KSR2: variants seen among roughly 807,000 people sequenced by gnomAD.
KSR2 encodes kinase suppressor of ras 2.
A neutral mutation model predicts 107.8 loss-of-function variants in KSR2; 25 were observed. The ratio of observed to expected loss-of-function variants is 0.23; its 90% CI spans 0.17 to 0.32. The LOEUF (loss-of-function observed/expected upper bound fraction) is 0.32. Among genes scored for constraint, KSR2 ranks in the 10% least tolerant of loss-of-function variants. The pLI is 1.00. For missense variants in KSR2, 887 were observed against 1,268.9 expected (o/e 0.70, Z 4.57); for synonymous variants, 480 against 507.0 (o/e 0.95, Z 0.71).
At chr12:117,652,657 A>G (rs1479851077) in intron 5 of KSR2, among the ~76,000 whole-genome samples, 1 of 152,208 alleles carries the variant, frequency 6.6e-6, no homozygotes, top group Non-Finnish European at 1.5e-5. Flanking sequence ...GGACACCTCC[A>G]GCCTTTTAAC....
At chr12:117,717,134 G>A (rs141876247) in intron 4 of KSR2, among the ~76,000 whole-genome samples, 12 of 152,326 alleles carry the variant, frequency 7.9e-5, no homozygotes, top group African/African-American at 2.4e-4. Context: ...CCACCTTGGG[G>A]ATAATCTTTC....
Position 117,454,888 on chromosome 12 carries a change from A to G in KSR2, c.*12311T>C, listed in dbSNP as rs1870521163. The G allele has an allele frequency of 6.6e-6, 1 of 152,074 alleles. No homozygotes were observed. Among genetic ancestry groups the G allele is most frequent in the Non-Finnish European group, 1.5e-5 (1 of 68,040 alleles). The allele number at this position is 152,074 out of a possible 1,614,324, so 9.4% of individuals were successfully genotyped here. On this transcript the variant is annotated 3_prime_UTR_variant, in exon 20 of 20. Transcript: ENST00000339824. ...AAAGAGGAACAGGAATGAAAAATGC[A>G]TTAGAGAGAAGGGCTCATGGCCAAC...
intron 14 of KSR2, among the ~76,000 whole-genome samples, chr12:117,502,246 T>C (rs1181400665): frequency 6.6e-6 from 1 of 152,126 alleles, no homozygotes; most frequent in African/African-American, 2.4e-5. Context: ...TGTACATATG[T>C]ATGTGGACTC....
chr12:117,871,705 T>A (rs938660583), intron 1 of KSR2, among the ~76,000 whole-genome samples: 1 of 87,964 alleles, frequency 1.1e-5, no homozygotes, highest in Non-Finnish European at 2.3e-5. Context: ...TAGATATATA[T>A]ATTTGCACAC....
rs755743255 is a variant in KSR2 at position 117,860,345 on chromosome 12, G to A, written c.267C>T (p.Phe89=). The A allele has an allele frequency of 1.2e-6, 2 of 1,613,834 alleles. No homozygotes were observed. The highest frequency in any genetic ancestry group is 1.7e-6 in the Non-Finnish European group (2 of 1,179,816). ...LQERNAELDG[F]PQLRHWFRIV... ...TTCGGAACCAGTGCCGTAGCTGGGG[G>A]AAGCCGTCCAGCTCCGCGTTGCGCT... Residue 89 remains phenylalanine (F), a synonymous_variant, in exon 2 of 20, where the codon TTC becomes TTT. Transcript: ENST00000339824.
chr12:117,826,292 C>T (rs1891747708), intron 3 of KSR2, among the ~76,000 whole-genome samples: 1 of 152,066 alleles, frequency 6.6e-6, no homozygotes, highest in African/African-American at 2.4e-5. Flanking sequence ...TACACCCTCC[C>T]AGGTGCTAAA....
At chr12:117,782,446 G>A (rs1191556935) in intron 3 of KSR2, among the ~76,000 whole-genome samples, 2 of 151,972 alleles carry the variant, frequency 1.3e-5, no homozygotes, top group Non-Finnish European at 2.9e-5. Context: ...TTTATTTTTT[G>A]TAGACACAGG....
rs1877591171 is a variant in KSR2 at position 117,555,244 on chromosome 12, G to A, written c.1443C>T (p.Asn481=). The change falls in exon 9 of 20, where the codon AAC becomes AAT. Residue 481 remains asparagine (N), a synonymous_variant. Coordinates refer to ENST00000339824, the MANE Select transcript of KSR2 (RefSeq NM_173598.6). ...RTESVPCDIN[N]PLRKPPRYSD... is the part of the protein sequence containing the mutation. Reference sequence around the variant, plus strand: ...AATAGCGAGGTGGCTTCCGTAGAGGGTTGTTGATGTCACACGGAACGGACT... The same window carrying A: ...AATAGCGAGGTGGCTTCCGTAGAGGATTGTTGATGTCACACGGAACGGACT... 2 of 1,613,848 alleles carry A rather than the reference G, an allele frequency of 1.2e-6. No individual in the cohort carries two copies. The highest frequency in any genetic ancestry group is 1.7e-6 in the Non-Finnish European group (2 of 1,179,754).
At chr12:117,563,256 C>G (rs904734425) in intron 7 of KSR2, among the ~76,000 whole-genome samples, 1 of 152,206 alleles carries the variant, frequency 6.6e-6, no homozygotes, top group Admixed American at 6.5e-5. Context: ...TTTAAGCAAG[C>G]ACACGTGAAA....
chr12:117,504,661 G>A (rs1485015443), intron 14 of KSR2, among the ~76,000 whole-genome samples: 2 of 152,112 alleles, frequency 1.3e-5, no homozygotes, highest in African/African-American at 4.8e-5. Flanking sequence ...TAGTAGGAAG[G>A]GGTGACTGGG....
rs529394247 is a variant in KSR2 at position 117,879,669 on chromosome 12, A to C, written c.181-19238T>G. On this transcript the variant is annotated intron_variant, in intron 1 of 19. Transcript: ENST00000339824. ...GAGGTGGAGGCTGCAGTGAGCCATG[A>C]TTGTGCCACTGCACTCCAGCCTGGG... Among the ~76,000 whole-genome samples, 7 of 152,360 alleles carry C rather than the reference A, an allele frequency of 4.6e-5. No homozygotes were observed. The East Asian group carries it at 1.3e-3, about 29-fold the overall frequency.
chr12:117,738,848 CTGGGCG>C (rs1888050331), intron 4 of KSR2, among the ~76,000 whole-genome samples: 1 of 152,122 alleles, frequency 6.6e-6, no homozygotes, highest in African/African-American at 2.4e-5. Context: ...GCACTCCGGC[CTGGGCG>C]ACAGAGACTC....
chr12:117,607,044 C>A (rs1258166157), intron 5 of KSR2, among the ~76,000 whole-genome samples: 2 of 152,106 alleles, frequency 1.3e-5, no homozygotes, highest in African/African-American at 4.8e-5. Context: ...CCATGTGTAG[C>A]TGATCTTGTC....
chr12:117,912,866 C>T (rs1268405701), intron 1 of KSR2, among the ~76,000 whole-genome samples: 1 of 152,030 alleles, frequency 6.6e-6, no homozygotes, highest in Non-Finnish European at 1.5e-5. Context: ...AGTAGGGACC[C>T]GTAAAGATAG....
At chr12:117,854,792 T>A (rs1410451818) in intron 3 of KSR2, among the ~76,000 whole-genome samples, 1 of 151,786 alleles carries the variant, frequency 6.6e-6, no homozygotes, top group Non-Finnish European at 1.5e-5. Flanking sequence ...TCTGAGCAAT[T>A]AATGGAAAAG....
At chr12:117,570,948 G>A (rs1878850426) in intron 7 of KSR2, among the ~76,000 whole-genome samples, 1 of 152,068 alleles carries the variant, frequency 6.6e-6, no homozygotes, top group Non-Finnish European at 1.5e-5. Flanking sequence ...GATTTATTGA[G>A]GGAGTATGCT....
At chr12:117,668,514 A>G (rs1344128257) in intron 4 of KSR2, among the ~76,000 whole-genome samples, 1 of 152,194 alleles carries the variant, frequency 6.6e-6, no homozygotes, top group Non-Finnish European at 1.5e-5. Flanking sequence ...TGTGTCCACC[A>G]TAGCAGCATT....
At chr12:117,471,024 C>T (rs970382323) in intron 18 of KSR2, among the ~76,000 whole-genome samples, 167 bp downstream of exon 18, 3 of 152,148 alleles carry the variant, frequency 2.0e-5, no homozygotes, top group African/African-American at 7.2e-5. Flanking sequence ...AGTGCAGCAG[C>T]CTTGCCTTTT....
chr12:117,549,014 A>G (rs1189118590), intron 9 of KSR2, among the ~76,000 whole-genome samples: 2 of 152,232 alleles, frequency 1.3e-5, no homozygotes, highest in Non-Finnish European at 2.9e-5. Context: ...ACTTGGACAT[A>G]GTCTTACTAT....
Sources: gnomAD v4.1 joint callset for allele counts (sites outside exome capture counted in the v4.1 genomes callset) on GRCh38, gnomAD v4.1.1 for gene constraint, MANE v1.5 for transcripts, NCBI Gene and HGNC (gene_info 2026-07-23, HGNC 2026-07-21) for gene names.